The following CRACD variants were observed in gnomAD, a reference collection of about 807,000 sequenced individuals.
CRACD encodes capping protein-inhibiting regulator of actin dynamics.
A neutral mutation model predicts 106.8 loss-of-function variants in CRACD; 56 were observed. That is an observed-to-expected ratio of 0.52 (90% CI 0.42 to 0.66). The LOEUF (loss-of-function observed/expected upper bound fraction) is 0.66. CRACD is among the 30% of genes least tolerant of loss of function. The pLI, the probability that CRACD is intolerant of heterozygous loss-of-function variation, is 0.00. For synonymous variants in CRACD, 754 were observed against 670.8 expected (o/e 1.12, Z -1.92); for missense variants, 1,730 against 1,623.2 (o/e 1.07, Z -1.13).
chr4:56,255,390 T>G (rs560031592), intron 2 of CRACD, among the ~76,000 whole-genome samples: 1 of 152,290 alleles, frequency 6.6e-6, no homozygotes, highest in African/African-American at 2.4e-5. Context: ...CTGCTCTCAA[T>G]TTAATGAAGG....
chr4:56,090,596 T>C (rs964512207), intron 1 of CRACD, among the ~76,000 whole-genome samples: 2 of 152,160 alleles, frequency 1.3e-5, no homozygotes, highest in African/African-American at 2.4e-5. Context: ...GGTTTTGCCA[T>C]GTTGCCCAGG....
rs1379938270 is a variant in CRACD at position 56,307,706 on chromosome 4, C to T, written c.285+7C>T. The T allele has an allele frequency of 1.2e-6, 2 of 1,613,924 alleles. No individual in the cohort carries two copies. The highest frequency in any genetic ancestry group is 1.7e-5 in the Admixed American group (1 of 60,018). ...CTCAGACGCAGAGAACAAGGTAAGT[C>T]TCCTCCAGGGAATGACTTGATGGCT... On this transcript the variant is annotated splice_region_variant and intron_variant, in intron 5 of 10. Transcript: ENST00000682029.
rs1172157586 is a variant in CRACD at position 56,069,070 on chromosome 4, C to T, written c.-336+19771C>T. 2.0e-5 allele frequency among the ~76,000 whole-genome samples: 3 copies of T among 152,058 alleles called. No homozygotes were observed. The South Asian group carries it at 6.2e-4, about 31-fold the overall frequency. On this transcript the variant is annotated intron_variant, in intron 1 of 10. Transcript: ENST00000682029. ...GGGATTGGAGTGATGCTGCCATAAG[C>T]CAAGGAATGCCAGGAGCCGCGGGAT...
chr4:56,057,550 A>G (rs1732117828), intron 1 of CRACD, among the ~76,000 whole-genome samples: 2 of 152,118 alleles, frequency 1.3e-5, no homozygotes, highest in Non-Finnish European at 2.9e-5. Flanking sequence ...GACAGGGGTA[A>G]ATAAGATATG....
At chr4:56,201,138 G>A (rs1260741573) in intron 2 of CRACD, among the ~76,000 whole-genome samples, 1 of 152,086 alleles carries the variant, frequency 6.6e-6, no homozygotes, top group Non-Finnish European at 1.5e-5. Context: ...TTTCTTATGA[G>A]CGTCTTTGGC....
intron 1 of CRACD, among the ~76,000 whole-genome samples, chr4:56,109,485 G>A (rs1470757921): frequency 6.6e-6 from 1 of 152,146 alleles, no homozygotes; most frequent in East Asian, 1.9e-4. Flanking sequence ...TACTGGCTTG[G>A]ATTCTGGAGC....
At chr4:56,296,483 T>C (rs943092592) in intron 3 of CRACD, among the ~76,000 whole-genome samples, 4 of 152,132 alleles carry the variant, frequency 2.6e-5, no homozygotes, top group African/African-American at 9.7e-5. Context: ...AACTAGATGA[T>C]AAAATTTGGT....
At chr4:56,316,735 A>AT in intron 8 of CRACD, 46 bp downstream of exon 8, 1 of 1,560,422 alleles carries the variant, frequency 6.4e-7, no homozygotes, top group Non-Finnish European at 8.7e-7. Flanking sequence ...GAGGTGTCAG[A>AT]GCCAGGGCAT....
chr4:56,225,861 C>A (rs1202273432), intron 2 of CRACD, among the ~76,000 whole-genome samples: 2 of 152,186 alleles, frequency 1.3e-5, no homozygotes, highest in Non-Finnish European at 2.9e-5. Context: ...CTGTATAATA[C>A]AAGGAAGTCT....
At chr4:56,134,260 G>A (rs1311408595) in intron 1 of CRACD, among the ~76,000 whole-genome samples, 1 of 151,938 alleles carries the variant, frequency 6.6e-6, no homozygotes, top group African/African-American at 2.4e-5. Context: ...GTCAAATAAA[G>A]GAAGGAAAAG....
At chr4:56,082,836 A>T (rs1052944014) in intron 1 of CRACD, among the ~76,000 whole-genome samples, 5 of 149,854 alleles carry the variant, frequency 3.3e-5, no homozygotes, top group East Asian at 3.9e-4. Flanking sequence ...TTAGTAAATT[A>T]AAAAAAAAAG....
intron 2 of CRACD, among the ~76,000 whole-genome samples, chr4:56,265,360 C>A (rs1407906542): frequency 6.6e-6 from 1 of 151,924 alleles, no homozygotes; most frequent in Non-Finnish European, 1.5e-5. Context: ...CTTGTCAACT[C>A]ACTCATCTTT....
At chr4:56,281,706 G>A (rs759836431) in intron 3 of CRACD, among the ~76,000 whole-genome samples, 1 of 152,158 alleles carries the variant, frequency 6.6e-6, no homozygotes, top group Non-Finnish European at 1.5e-5. Flanking sequence ...CAGCTACAGA[G>A]GTTTATGGAA....
Position 56,279,622 on chromosome 4 carries a change from A to G in CRACD, c.-17+7130A>G, listed in dbSNP as rs376520554. 4.6e-5 allele frequency among the ~76,000 whole-genome samples: 7 copies of G among 152,332 alleles called. No individual in the cohort carries two copies. In the East Asian group the frequency reaches 1.4e-3, roughly 29 times the overall value. On this transcript the variant is annotated intron_variant, in intron 3 of 10. Coordinates refer to ENST00000682029, the MANE Select transcript of CRACD (RefSeq NM_001393381.1). ...CCATCTCACACCAGTTAGAATGGCG[A>G]TCATTAAAAAGTCAGGAAACAACAG...
rs113587681 is a variant in CRACD, at chr4:56,225,184, C to T, written c.-189+45754C>T. 7.4e-3 allele frequency among the ~76,000 whole-genome samples: 1,124 copies of T among 152,288 alleles called. 13 individuals carry two copies. Among genetic ancestry groups the T allele is most frequent in the African/African-American group, 0.026 (1,071 of 41,538 alleles). ...GCTTACTGCAAAAACCTCTCCCTCT[C>T]GGGTTCAAGCAATTCTCCTGCCTCA... On this transcript the variant is annotated intron_variant, in intron 2 of 10. Coordinates refer to ENST00000682029, the MANE Select transcript of CRACD (RefSeq NM_001393381.1).
At chr4:56,107,424 C>G (rs1185363528) in intron 1 of CRACD, among the ~76,000 whole-genome samples, 2 of 152,166 alleles carry the variant, frequency 1.3e-5, no homozygotes, top group East Asian at 3.9e-4. Context: ...ACAGTATCTG[C>G]CACATACATG....
intron 1 of CRACD, among the ~76,000 whole-genome samples, chr4:56,054,563 A>G (rs930310355): frequency 6.6e-6 from 1 of 152,262 alleles, no homozygotes; most frequent in Non-Finnish European, 1.5e-5. Context: ...GCTTTAAGGC[A>G]GATGCATATG....
chr4:56,183,869 A>G (rs1226624875), intron 2 of CRACD, among the ~76,000 whole-genome samples: 2 of 152,104 alleles, frequency 1.3e-5, no homozygotes, highest in African/African-American at 4.8e-5. Flanking sequence ...GCATTCAACC[A>G]TGTTTTTGTT....
rs1323933986 is a variant in CRACD, at chr4:56,190,020, C to G, written c.-189+10590C>G. ...GAGTGTGATGTTCCCCTTCCTGTGT[C>G]CATGTGTTCTCATTGTTCAATTCCC... is the stretch of plus-strand genomic sequence containing the variant. On this transcript the variant is annotated intron_variant, in intron 2 of 10. Transcript: ENST00000682029. Among the ~76,000 whole-genome samples, 34 of 134,096 alleles carry G rather than the reference C, an allele frequency of 2.5e-4. 1 individual carries two copies. Among genetic ancestry groups the G allele is most frequent in the African/African-American group, 9.5e-4 (34 of 35,664 alleles). 88.0% of individuals were successfully genotyped at this position (134,096 alleles called of 152,430 possible).
Sources: gnomAD v4.1 joint callset for allele counts (sites outside exome capture counted in the v4.1 genomes callset) on GRCh38, gnomAD v4.1.1 for gene constraint, MANE v1.5 for transcripts, NCBI Gene and HGNC (gene_info 2026-07-23, HGNC 2026-07-21) for gene names.